Variants in HS3ST3A1 observed in about 807,000 individuals in gnomAD.
The protein encoded by HS3ST3A1 is heparan sulfate-glucosamine 3-sulfotransferase 3A1.
A neutral mutation model predicts 25.7 loss-of-function variants in HS3ST3A1; 19 were observed. The observed-to-expected ratio is 0.74, with a 90% confidence interval of 0.52 to 1.08. The LOEUF (loss-of-function observed/expected upper bound fraction) is 1.08. HS3ST3A1 is among the 50% of genes least tolerant of loss of function. HS3ST3A1 has a pLI of 0.00. For synonymous variants in HS3ST3A1, 226 were observed against 278.6 expected, an observed-to-expected ratio of 0.81 and a Z score of 1.88; for missense variants, 459 against 594.3, an observed-to-expected ratio of 0.77 and a Z score of 2.37.
intron 1 of HS3ST3A1, among the ~76,000 whole-genome samples, chr17:13,529,280 T>C (rs1052470718): frequency 5.9e-5 from 9 of 152,130 alleles, no homozygotes; most frequent in African/African-American, 1.7e-4. Context: ...TCTAGGCCCA[T>C]GTTTTGAGGA....
Position 13,494,609 on chromosome 17 carries a change from A to G in HS3ST3A1, c.*1588T>C, listed in dbSNP as rs972757201. ...GGCAGATAAAGAAAACTTCCATGAA[A>G]TAGAAGACATTTTTCCTCTTGGGTT... is the stretch of plus-strand genomic sequence containing the variant. On this transcript the variant is annotated 3_prime_UTR_variant, in exon 2 of 2. Transcript: ENST00000284110. 6.6e-6 allele frequency among the ~76,000 whole-genome samples: 1 copy of G among 152,202 alleles called. No individual in the cohort carries two copies. The highest frequency in any genetic ancestry group is 1.5e-5 in the Non-Finnish European group (1 of 68,032).
At chr17:13,581,339 C>A (rs1004525336) in intron 1 of HS3ST3A1, among the ~76,000 whole-genome samples, 3 of 151,702 alleles carry the variant, frequency 2.0e-5, no homozygotes, top group Non-Finnish European at 4.4e-5. Flanking sequence ...TGGTGGCACG[C>A]ACCTGTAGTC....
chr17:13,536,621 A>C (rs912943513), intron 1 of HS3ST3A1, among the ~76,000 whole-genome samples: 1 of 152,206 alleles, frequency 6.6e-6, no homozygotes, highest in Admixed American at 6.5e-5. Context: ...TAACACCCCT[A>C]GGGTGAAAGC....
chr17:13,564,736 T>TTTTTTTTTTTTTTTTTTTTTTTTTG (rs1907634368), intron 1 of HS3ST3A1, among the ~76,000 whole-genome samples: 1 of 150,302 alleles, frequency 6.7e-6, no homozygotes, highest in South Asian at 2.1e-4. Flanking sequence ...TTTTTTTTTT[T>TTTTTTTTTTTTTTTTTTTTTTTTTG]TTTAAGAGAC....
intron 1 of HS3ST3A1, among the ~76,000 whole-genome samples, chr17:13,587,428 T>C (rs1033392913): frequency 2.0e-5 from 3 of 152,240 alleles, no homozygotes; most frequent in African/African-American, 7.2e-5. Context: ...CACTCCAATC[T>C]GGTGACTGAG....
chr17:13,504,295 C>T (rs192802846), intron 1 of HS3ST3A1, among the ~76,000 whole-genome samples: 21 of 147,294 alleles, frequency 1.4e-4, no homozygotes, highest in East Asian at 1.4e-3. Flanking sequence ...CCAGTCTGGG[C>T]GACAGAGCGA....
At chr17:13,555,039 T>C (rs1907334830) in intron 1 of HS3ST3A1, among the ~76,000 whole-genome samples, 1 of 152,120 alleles carries the variant, frequency 6.6e-6, no homozygotes, top group African/African-American at 2.4e-5. Flanking sequence ...CATTTCAGTC[T>C]AGAATTCACC....
chr17:13,555,647 C>T (rs982247400), intron 1 of HS3ST3A1, among the ~76,000 whole-genome samples: 31 of 152,172 alleles, frequency 2.0e-4, no homozygotes, highest in African/African-American at 7.2e-4. Context: ...CACCCAAACA[C>T]AACATGATTT....
At chr17:13,527,905 T>C (rs561786253) in intron 1 of HS3ST3A1, among the ~76,000 whole-genome samples, 1 of 152,182 alleles carries the variant, frequency 6.6e-6, no homozygotes, top group Admixed American at 6.5e-5. Context: ...GGGAAATGTA[T>C]AATTAAAGTA....
chr17:13,535,762 A>G (rs8080913), intron 1 of HS3ST3A1, among the ~76,000 whole-genome samples: 67,335 of 152,078 alleles, frequency 0.44, 16,588 homozygotes, highest in African/African-American at 0.67. Flanking sequence ...TTCTTAAAAA[A>G]GTAAAAATAT....
intron 1 of HS3ST3A1, among the ~76,000 whole-genome samples, chr17:13,549,103 GC>G (rs1185813481): frequency 6.6e-6 from 1 of 152,166 alleles, no homozygotes; most frequent in Non-Finnish European, 1.5e-5. Flanking sequence ...ACCTTTATGA[GC>G]TATAACACTC....
At chr17:13,531,327 C>T (rs944195144) in intron 1 of HS3ST3A1, among the ~76,000 whole-genome samples, 3 of 152,102 alleles carry the variant, frequency 2.0e-5, no homozygotes, top group Non-Finnish European at 4.4e-5. Flanking sequence ...AACTAGCTCC[C>T]GTTGCATATC....
rs1598438588 is a variant in HS3ST3A1, at chr17:13,600,914, G to C, written c.216C>G (p.Ala72=). 1.8e-5 allele frequency: 28 copies of C among 1,526,748 alleles called. No individual in the cohort carries two copies. In the East Asian group the frequency reaches 7.4e-4, roughly 40 times the overall value. The allele number at this position is 1,526,748 out of a possible 1,614,324, so 94.6% of individuals were successfully genotyped here. A position where few individuals can be genotyped will look rare whatever the true frequency, so the allele number is the denominator to read the frequency against. The change falls in exon 1 of 2, where the codon GCC becomes GCG. Residue 72 remains alanine, a synonymous_variant. Transcript: ENST00000284110. The part of the protein sequence containing the change: ...EAGAPGGGVL[A]GGPRELAVWP... ...ACACCGCCAGCTCCCTCGGGCCTCCGGCCAGGACGCCGCCACCAGGGGCCC... is the reference window on the plus strand; with the variant it reads ...ACACCGCCAGCTCCCTCGGGCCTCCCGCCAGGACGCCGCCACCAGGGGCCC...
intron 1 of HS3ST3A1, among the ~76,000 whole-genome samples, chr17:13,542,126 G>A (rs1034112482): frequency 1.3e-5 from 2 of 152,100 alleles, no homozygotes; most frequent in Admixed American, 1.3e-4. Flanking sequence ...TTAGGAGTCT[G>A]AGACCAGTCT....
intron 1 of HS3ST3A1, among the ~76,000 whole-genome samples, chr17:13,523,653 A>G (rs960950771): frequency 6.6e-6 from 1 of 152,172 alleles, no homozygotes; most frequent in African/African-American, 2.4e-5. Flanking sequence ...TTTTACACGG[A>G]AAAATCTCCA....
chr17:13,576,796 A>G (rs1401107675), intron 1 of HS3ST3A1, among the ~76,000 whole-genome samples: 1 of 152,194 alleles, frequency 6.6e-6, no homozygotes, highest in African/African-American at 2.4e-5. Flanking sequence ...AACAATCCTA[A>G]TGATTTTTTT....
At chr17:13,579,517 A>G (rs367748630) in intron 1 of HS3ST3A1, among the ~76,000 whole-genome samples, 1 of 151,868 alleles carries the variant, frequency 6.6e-6, no homozygotes, top group Admixed American at 6.6e-5. Context: ...CCTGGCCAAC[A>G]TGGTGAAACC....
intron 1 of HS3ST3A1, among the ~76,000 whole-genome samples, chr17:13,526,349 T>TCAG (rs1906417903): frequency 6.6e-6 from 1 of 151,204 alleles, no homozygotes; most frequent in African/African-American, 2.4e-5. Context: ...TCTTTTTCCG[T>TCAG]TACTGACAGT....
intron 1 of HS3ST3A1, among the ~76,000 whole-genome samples, chr17:13,513,040 A>T (rs1372973823): frequency 6.6e-6 from 1 of 152,202 alleles, no homozygotes; most frequent in East Asian, 1.9e-4. Flanking sequence ...ATAACTTTTT[A>T]AATGTTCAGA....
Sources: gnomAD v4.1 joint callset for allele counts (sites outside exome capture counted in the v4.1 genomes callset) on GRCh38, gnomAD v4.1.1 for gene constraint, MANE v1.5 for transcripts, NCBI Gene and HGNC (gene_info 2026-07-23, HGNC 2026-07-21) for gene names.